Variants in C11orf65 observed in about 807,000 individuals in gnomAD.
C11orf65 encodes chromosome 11 open reading frame 65.
C11orf65 carries 38 observed loss-of-function variants against 35.3 expected under a neutral mutation model. The observed-to-expected ratio is 1.08, with a 90% CI of 0.83 to 1.41. The LOEUF (loss-of-function observed/expected upper bound fraction) is 1.41. Among genes scored for constraint, C11orf65 ranks in the 40% most tolerant of loss-of-function variants. The probability of loss-of-function intolerance (pLI) is 0.00; values close to 1 mark genes in which losing one functional copy is unlikely to be tolerated. For missense variants in C11orf65, 370 were observed against 367.1 expected (o/e 1.01, Z -0.06); for synonymous variants, 105 against 114.4 (o/e 0.92, Z 0.53).
At chr11:108,432,769 G>A (rs753245216) in intron 2 of C11orf65, among the ~76,000 whole-genome samples, 10 of 152,126 alleles carry the variant, frequency 6.6e-5, no homozygotes, top group Non-Finnish European at 1.3e-4. Context: ...TTTCTGAAAG[G>A]AGGATATAAT....
At chr11:108,369,720 G>T (rs2091496340) in intron 2 of C11orf65, among the ~76,000 whole-genome samples, 1 of 152,120 alleles carries the variant, frequency 6.6e-6, no homozygotes. Context: ...TACTTTCATT[G>T]TGTATGATCC....
At chr11:108,435,747 AT>A (rs370763622) in intron 2 of C11orf65, among the ~76,000 whole-genome samples, 2,002 of 152,252 alleles carry the variant, frequency 0.013, 51 homozygotes, top group African/African-American at 0.045. Flanking sequence ...AATATTAGCC[AT>A]TTTTTTCTTT....
intron 6 of C11orf65, chr11:108,326,063 T>TC: frequency 6.2e-7 from 1 of 1,614,092 alleles, no homozygotes; most frequent in African/African-American, 1.3e-5. Flanking sequence ...TTCAGCTCCC[T>TC]GAAAGGGCAA....
At position 108,367,112 on chromosome 11, in the gene C11orf65, C is replaced by T. The variant is rs227091; in HGVS notation, c.226+26096G>A. On this transcript the variant is annotated intron_variant, in intron 2 of 3. Coordinates refer to the C11orf65 transcript ENST00000524755. ...AAGCAATTCTCCTGCCTCAGCCTCC[C>T]GAGTAGCTGGGACTACAGGCGTGTG... 94,831 of 179,358 alleles carry T rather than the reference C, an allele frequency of 0.53. 25,966 individuals are homozygous for T. Among genetic ancestry groups the T allele is most frequent in the Middle Eastern group, 0.73 (344 of 470 alleles). 11.1% of individuals were successfully genotyped at this position (179,358 alleles called of 1,614,324 possible). A position where few individuals can be genotyped will look rare whatever the true frequency, so the allele number is the denominator to read the frequency against.
At chr11:108,356,909 G>A (rs1158416427) in intron 2 of C11orf65, among the ~76,000 whole-genome samples, 1 of 152,134 alleles carries the variant, frequency 6.6e-6, no homozygotes, top group East Asian at 1.9e-4. Flanking sequence ...TACAATAACT[G>A]TCACCTTTAA....
chr11:108,419,026 G>A (rs1794069372), intron 3 of C11orf65, among the ~76,000 whole-genome samples: 1 of 152,110 alleles, frequency 6.6e-6, no homozygotes, highest in South Asian at 2.1e-4. Flanking sequence ...TGGCACAGAT[G>A]GTTTCATTAG....
chr11:108,313,314 T>G (rs1343171925), intron 6 of C11orf65, among the ~76,000 whole-genome samples: 2 of 152,210 alleles, frequency 1.3e-5, no homozygotes, highest in Non-Finnish European at 2.9e-5. Context: ...CAAAATAATT[T>G]CCCTCTTCCC....
chr11:108,367,658 G>T (rs2091404651), intron 2 of C11orf65: 2 of 212,598 alleles, frequency 9.4e-6, no homozygotes, highest in African/African-American at 2.3e-5. Context: ...CTTATGAAGA[G>T]TTGGCATTTC....
chr11:108,363,176 A>G (rs1397206886), intron 2 of C11orf65, among the ~76,000 whole-genome samples: 1 of 152,020 alleles, frequency 6.6e-6, no homozygotes, highest in African/African-American at 2.4e-5. Context: ...GTGCTTCTCA[A>G]TTAGCATCCT....
At chr11:108,309,603 A>G (rs1206050029) in intron 6 of C11orf65, among the ~76,000 whole-genome samples, 1 of 152,176 alleles carries the variant, frequency 6.6e-6, no homozygotes, top group Non-Finnish European at 1.5e-5. Context: ...CTACAATGCT[A>G]GTTTTGAAAA....
chr11:108,319,246 T>C (rs2085011229), intron 6 of C11orf65, among the ~76,000 whole-genome samples: 1 of 152,172 alleles, frequency 6.6e-6, no homozygotes, highest in African/African-American at 2.4e-5. Flanking sequence ...ATTAGAGATA[T>C]ATCCTCATAT....
At chr11:108,367,989 A>G (rs1358381690) in intron 2 of C11orf65, 1 of 205,704 alleles carries the variant, frequency 4.9e-6, no homozygotes, top group East Asian at 7.4e-5. Flanking sequence ...AGATAATAGT[A>G]TAGATAAATG....
intron 2 of C11orf65, among the ~76,000 whole-genome samples, chr11:108,460,034 T>C (rs897329172): frequency 1.3e-5 from 2 of 152,094 alleles, no homozygotes; most frequent in African/African-American, 4.8e-5. Flanking sequence ...CTTGGGAAGC[T>C]GAGGTTGGAG....
At chr11:108,374,798 T>C (rs969276547) in intron 2 of C11orf65, among the ~76,000 whole-genome samples, 15 of 152,220 alleles carry the variant, frequency 9.9e-5, no homozygotes, top group Admixed American at 9.2e-4. Flanking sequence ...TTAAAGGAGC[T>C]GATGGAGCTG....
At chr11:108,410,991 G>A (rs1168207323) in intron 3 of C11orf65, among the ~76,000 whole-genome samples, 1 of 152,080 alleles carries the variant, frequency 6.6e-6, no homozygotes, top group Non-Finnish European at 1.5e-5. Context: ...TTACAGGCAT[G>A]AGCCACCATG....
rs750763671 is a variant in C11orf65 at position 108,325,460 on chromosome 11, C to T, written c.641-16389G>A. On this transcript the variant is annotated intron_variant, in intron 6 of 6. Coordinates refer to the C11orf65 transcript ENST00000525729. ...TCCTGATGGAAAAGGAAATGGACAA[C>T]TCACAAAGAGAATGTATTAAGGACA... 6.2e-7 allele frequency: 1 copy of T among 1,613,756 alleles called. No homozygotes were observed. Among genetic ancestry groups the T allele is most frequent in the South Asian group, 1.1e-5 (1 of 91,078 alleles).
intron 2 of C11orf65, among the ~76,000 whole-genome samples, chr11:108,349,455 G>A (rs913547075): frequency 6.6e-6 from 1 of 152,184 alleles, no homozygotes; most frequent in Non-Finnish European, 1.5e-5. Flanking sequence ...ACGAGGTCAG[G>A]AGATTGAGAC....
At chr11:108,330,223 A>T (rs878853542), downstream of C11orf65, 1 of 1,614,054 alleles carries the variant, frequency 6.2e-7, no homozygotes, top group Non-Finnish European at 8.5e-7. Context: ...GATACACAGT[A>T]AAGGTTCAGC....
intron 2 of C11orf65, among the ~76,000 whole-genome samples, chr11:108,433,103 G>T (rs2093012894): frequency 6.6e-6 from 1 of 151,838 alleles, no homozygotes; most frequent in Admixed American, 6.6e-5. Flanking sequence ...TAGGATAGCT[G>T]GGCCTCTCTT....
Sources: allele counts gnomAD v4.1 joint callset (sites outside exome capture counted in the v4.1 genomes callset), GRCh38; gene constraint gnomAD v4.1.1; transcripts MANE v1.5; gene names NCBI Gene and HGNC (gene_info 2026-07-23, HGNC 2026-07-21).